Variants in FMN1 observed in about 807,000 individuals in gnomAD.
FMN1 encodes formin-1.
FMN1 carries 110 observed loss-of-function variants against 132.4 expected under a neutral mutation model. That is an observed-to-expected ratio of 0.83 (90% CI 0.71 to 0.97). The LOEUF (loss-of-function observed/expected upper bound fraction) is 0.97, where lower values mean the gene tolerates loss of function less well. Among genes scored for constraint, FMN1 ranks in the 50% least tolerant of loss-of-function variants. FMN1 has a pLI of 0.00. For synonymous variants in FMN1, 722 were observed against 651.7 expected (o/e 1.11, Z -1.64); for missense variants, 1,792 against 1,705.3 (o/e 1.05, Z -0.90).
intron 5 of FMN1, among the ~76,000 whole-genome samples, chr15:33,079,804 T>G (rs2038375816): frequency 6.6e-6 from 1 of 152,244 alleles, no homozygotes. Context: ...TTAACTTGCA[T>G]GTGAATTAGG....
chr15:33,166,712 G>A (rs1202424912), intron 3 of FMN1, among the ~76,000 whole-genome samples: 3 of 152,164 alleles, frequency 2.0e-5, no homozygotes, highest in Non-Finnish European at 4.4e-5. Context: ...TGAGGATCAA[G>A]GAAGGCCCTC....
chr15:33,081,534 A>G (rs1376760812), intron 5 of FMN1, among the ~76,000 whole-genome samples: 1 of 152,188 alleles, frequency 6.6e-6, no homozygotes. Context: ...TTCTGGTTGT[A>G]GTTCTAGCTG....
At chr15:32,800,671 CA>C (rs1235419588) in intron 18 of FMN1, among the ~76,000 whole-genome samples, 1 of 152,196 alleles carries the variant, frequency 6.6e-6, no homozygotes, top group African/African-American at 2.4e-5. Flanking sequence ...GGTGACAAAA[CA>C]GAGACCTGGA....
chr15:32,789,424 A>C (rs1351063833), intron 19 of FMN1, among the ~76,000 whole-genome samples: 1 of 152,186 alleles, frequency 6.6e-6, no homozygotes, highest in Non-Finnish European at 1.5e-5. Context: ...TTTTTAGATT[A>C]TACCATTATG....
chr15:32,808,447 T>TG (rs1179538976), intron 17 of FMN1, among the ~76,000 whole-genome samples: 1 of 152,214 alleles, frequency 6.6e-6, no homozygotes, highest in Admixed American at 6.5e-5. Flanking sequence ...CCATGGCTGC[T>TG]GGGGGTTCAA....
intron 9 of FMN1, among the ~76,000 whole-genome samples, chr15:32,949,948 T>TATAC (rs1383827334): frequency 7.9e-5 from 4 of 50,424 alleles, no homozygotes; most frequent in African/African-American, 5.0e-4. Context: ...AGCATATATA[T>TATAC]ATATATATAT....
intron 10 of FMN1, among the ~76,000 whole-genome samples, chr15:32,917,591 T>C (rs985417205): frequency 1.3e-5 from 2 of 152,222 alleles, no homozygotes; most frequent in African/African-American, 4.8e-5. Context: ...GTTTGTTGTT[T>C]CTAGTTTTAC....
At chr15:32,807,377 A>G (rs1381184067) in intron 17 of FMN1, among the ~76,000 whole-genome samples, 1 of 152,234 alleles carries the variant, frequency 6.6e-6, no homozygotes, top group Non-Finnish European at 1.5e-5. Flanking sequence ...TTAGTCTGGT[A>G]CTTAGCCAAT....
chr15:33,018,893 C>G (rs1026462248), intron 6 of FMN1, among the ~76,000 whole-genome samples: 1 of 152,150 alleles, frequency 6.6e-6, no homozygotes, highest in Admixed American at 6.5e-5. Context: ...CCGGTGGGTT[C>G]GTAGTCTCAC....
intron 6 of FMN1, chr15:33,062,735 TTCTC>T (rs1180882305): frequency 2.0e-5 from 3 of 152,216 alleles, no homozygotes; most frequent in African/African-American, 7.2e-5. Context: ...TGACAACAGT[TTCTC>T]TGAAATAGAA....
At chr15:32,898,963 G>C (rs1027319904) in intron 14 of FMN1, 70 bp from the exon 15 acceptor site, 5 of 1,057,432 alleles carry the variant, frequency 4.7e-6, no homozygotes, top group Non-Finnish European at 7.2e-6. Flanking sequence ...GTTGAGAGGT[G>C]AAATCTCAGT....
chr15:32,935,905 C>T (rs950924292), intron 9 of FMN1, among the ~76,000 whole-genome samples: 4 of 152,134 alleles, frequency 2.6e-5, no homozygotes, highest in South Asian at 2.1e-4. Context: ...GGATTACAGG[C>T]GTGAGCCACC....
At chr15:33,023,945 T>C (rs1381980783) in intron 6 of FMN1, among the ~76,000 whole-genome samples, 2 of 152,184 alleles carry the variant, frequency 1.3e-5, no homozygotes, top group African/African-American at 4.8e-5. Context: ...GAATCGTGTC[T>C]GTTGAAAGAT....
At chr15:32,983,491 A>AT (rs1365392347) in intron 7 of FMN1, among the ~76,000 whole-genome samples, 7 of 152,172 alleles carry the variant, frequency 4.6e-5, no homozygotes, top group Admixed American at 4.6e-4. Flanking sequence ...TAGAACAGCA[A>AT]TTTTTTTATT....
At chr15:33,137,013 G>A (rs927247130) in intron 4 of FMN1, among the ~76,000 whole-genome samples, 21 of 148,438 alleles carry the variant, frequency 1.4e-4, no homozygotes, top group African/African-American at 4.7e-4. Context: ...GCTTGAACCC[G>A]GGAGGCAGAG....
intron 4 of FMN1, among the ~76,000 whole-genome samples, chr15:33,096,267 G>A (rs1429351685): frequency 6.6e-6 from 1 of 152,176 alleles, no homozygotes; most frequent in Non-Finnish European, 1.5e-5. Flanking sequence ...CAGGTGTTTG[G>A]TCTAACAATT....
intron 19 of FMN1, among the ~76,000 whole-genome samples, chr15:32,794,476 T>C (rs956731680): frequency 1.3e-5 from 2 of 152,110 alleles, no homozygotes; most frequent in Non-Finnish European, 2.9e-5. Context: ...TTCGTGTGCA[T>C]GCGCGGGCAT....
At chr15:33,064,888 C>T in intron 6 of FMN1, 69 bp downstream of exon 6, 1 of 1,066,340 alleles carries the variant, frequency 9.4e-7, no homozygotes, top group Non-Finnish European at 1.4e-6. Flanking sequence ...TGAGAGTCAA[C>T]TAAGCTAGAA....
Position 32,811,942 on chromosome 15 carries a change from C to T in FMN1, c.3929-7610G>A, listed in dbSNP as rs141296442. Among the ~76,000 whole-genome samples, 45 of 152,280 alleles carry T rather than the reference C, an allele frequency of 3.0e-4. 1 individual carries two copies. In the East Asian group the frequency reaches 8.3e-3, roughly 28 times the overall value. On this transcript the variant is annotated intron_variant, in intron 17 of 20. Coordinates refer to ENST00000616417, the MANE Select transcript of FMN1 (RefSeq NM_001277313.2). ...GGGATTACAAGCATGAGCCACCACACCCAGCCTTTTTCACCATTTTAATCT... is the reference window on the plus strand; with the variant it reads ...GGGATTACAAGCATGAGCCACCACATCCAGCCTTTTTCACCATTTTAATCT...
Sources: allele counts gnomAD v4.1 joint callset (sites outside exome capture counted in the v4.1 genomes callset), GRCh38; gene constraint gnomAD v4.1.1; transcripts MANE v1.5; gene names NCBI Gene and HGNC (gene_info 2026-07-23, HGNC 2026-07-21).